PRKAR2A: variants seen among roughly 807,000 people sequenced by gnomAD.
The protein encoded by PRKAR2A is protein kinase cAMP-dependent type II regulatory subunit alpha.
In PRKAR2A, 29 loss-of-function variants were observed where a neutral mutation model predicts 51.9. The ratio of observed to expected loss-of-function variants is 0.56; its 90% CI spans 0.42 to 0.76. The LOEUF is 0.76. Among genes scored for constraint, PRKAR2A ranks in the 30% least tolerant of loss-of-function variants. The pLI is 0.00. For missense variants in PRKAR2A, 445 were observed against 512.1 expected (o/e 0.87, Z 1.26); for synonymous variants, 178 against 186.2 (o/e 0.96, Z 0.36).
chr3:48,754,954 A>G (rs1191520533), intron 9 of PRKAR2A, among the ~76,000 whole-genome samples: 2 of 149,372 alleles, frequency 1.3e-5, no homozygotes, highest in Non-Finnish European at 1.5e-5. Flanking sequence ...AAATCCAGCT[A>G]TCTTACAGAC....
chr3:48,803,289 C>T (rs979329644), intron 2 of PRKAR2A, among the ~76,000 whole-genome samples: 2 of 152,012 alleles, frequency 1.3e-5, no homozygotes, highest in East Asian at 1.9e-4. Context: ...GCACACTTGT[C>T]GTCCCAGCTA....
chr3:48,787,216 AC>A (rs1232455353), intron 4 of PRKAR2A, among the ~76,000 whole-genome samples: 10 of 151,602 alleles, frequency 6.6e-5, no homozygotes, highest in Admixed American at 3.3e-4. Flanking sequence ...ACAGAGTTTC[AC>A]TCTTATTGCC....
chr3:48,838,829 A>G (rs565989435), intron 1 of PRKAR2A, among the ~76,000 whole-genome samples: 1 of 150,850 alleles, frequency 6.6e-6, no homozygotes, highest in Non-Finnish European at 1.5e-5. Context: ...AAAAAAATAC[A>G]AAAAATTAGC....
chr3:48,758,395 A>G (rs187301376), intron 8 of PRKAR2A, among the ~76,000 whole-genome samples: 6 of 151,870 alleles, frequency 4.0e-5, no homozygotes, highest in Non-Finnish European at 2.9e-5. Flanking sequence ...CTTGGGCAAC[A>G]TGGCGGCGAA....
intron 6 of PRKAR2A, 84 bp from the exon 7 acceptor site, chr3:48,765,433 A>G (rs2107231646): frequency 1.1e-6 from 1 of 885,104 alleles, no homozygotes; most frequent in East Asian, 2.6e-5. Context: ...AGCAAATATT[A>G]GAGGAATATG....
intron 1 of PRKAR2A, among the ~76,000 whole-genome samples, chr3:48,842,321 A>G (rs2083394089): frequency 6.6e-6 from 1 of 152,180 alleles, no homozygotes; most frequent in Non-Finnish European, 1.5e-5. Flanking sequence ...GGGCTGAGAC[A>G]ATGGGGTTTT....
At chr3:48,772,229 T>G (rs1201650369) in intron 6 of PRKAR2A, among the ~76,000 whole-genome samples, 1 of 152,168 alleles carries the variant, frequency 6.6e-6, no homozygotes. Flanking sequence ...AACCAGTAGT[T>G]AGCACCAAGG....
At chr3:48,829,979 C>A (rs1403576171) in intron 1 of PRKAR2A, among the ~76,000 whole-genome samples, 1 of 148,090 alleles carries the variant, frequency 6.8e-6, no homozygotes, top group African/African-American at 2.5e-5. Context: ...AGGTGGCTCA[C>A]CTGAGGTCAG....
chr3:48,827,702 G>A (rs1339454399), intron 1 of PRKAR2A, among the ~76,000 whole-genome samples: 1 of 152,178 alleles, frequency 6.6e-6, no homozygotes, highest in Non-Finnish European at 1.5e-5. Flanking sequence ...TTCGGGTGTA[G>A]TCAGTGAGTG....
chr3:48,840,567 CTTTTTT>C (rs760883553), intron 1 of PRKAR2A, among the ~76,000 whole-genome samples: 38 of 69,460 alleles, frequency 5.5e-4, no homozygotes, highest in Non-Finnish European at 9.9e-4. Flanking sequence ...TTGTTTTCAC[CTTTTTT>C]TTTTTTTTTT....
rs2081972419 is a variant in PRKAR2A, at chr3:48,768,332, G to GATAA, written c.697-2984_697-2983insTTAT. On this transcript the variant is annotated intron_variant, in intron 6 of 10. Coordinates refer to ENST00000265563, the MANE Select transcript of PRKAR2A (RefSeq NM_004157.4). ...AGATAGATAGATAGATAGATAGATA[G>GATAA]ATAGATAGATATAGACAGACAGAGA... Among the ~76,000 whole-genome samples, 6 of 151,378 alleles carry GATAA rather than the reference G, an allele frequency of 4.0e-5. No individual in the cohort carries two copies. The Admixed American group carries it at 4.0e-4, about 10-fold the overall frequency.
intron 2 of PRKAR2A, among the ~76,000 whole-genome samples, chr3:48,799,139 T>C (rs1001719045): frequency 2.6e-5 from 4 of 152,216 alleles, no homozygotes; most frequent in African/African-American, 9.6e-5. Flanking sequence ...ATCTGGCTGC[T>C]TGCCACAGTA....
chr3:48,757,667 A>C (rs1477784430), intron 8 of PRKAR2A, among the ~76,000 whole-genome samples: 7 of 152,220 alleles, frequency 4.6e-5, no homozygotes, highest in Admixed American at 4.6e-4. Flanking sequence ...TCACACCTGT[A>C]ATCCCAGCAC....
intron 6 of PRKAR2A, among the ~76,000 whole-genome samples, 174 bp downstream of exon 6, chr3:48,772,781 C>A (rs2107256980): frequency 6.6e-6 from 1 of 152,282 alleles, no homozygotes; most frequent in Middle Eastern, 3.4e-3. Flanking sequence ...GCTGGGACTA[C>A]ACATGCCCAC....
intron 1 of PRKAR2A, among the ~76,000 whole-genome samples, chr3:48,840,265 C>T (rs1034047428): frequency 3.3e-5 from 5 of 151,932 alleles, no homozygotes; most frequent in African/African-American, 4.8e-5. Flanking sequence ...CGAGGCGGGA[C>T]GGGTGGATCA....
At chr3:48,837,953 C>T (rs765639534) in intron 1 of PRKAR2A, among the ~76,000 whole-genome samples, 7 of 151,822 alleles carry the variant, frequency 4.6e-5, no homozygotes, top group South Asian at 2.1e-4. Context: ...CTGAGGCAGG[C>T]GGATCACAAG....
intron 5 of PRKAR2A, among the ~76,000 whole-genome samples, chr3:48,780,602 CAAA>C (rs568780150): frequency 4.1e-5 from 2 of 49,346 alleles, no homozygotes; most frequent in Non-Finnish European, 8.5e-5. Flanking sequence ...GACTCCGTCT[CAAA>C]AAAAAAAAAA....
intron 1 of PRKAR2A, among the ~76,000 whole-genome samples, chr3:48,810,160 A>T (rs2082747514): frequency 6.6e-6 from 1 of 152,086 alleles, no homozygotes; most frequent in South Asian, 2.1e-4. Flanking sequence ...ACTGCCTTTA[A>T]CCCAGCAACA....
At chr3:48,787,617 G>A (rs1331601728) in intron 4 of PRKAR2A, among the ~76,000 whole-genome samples, 1 of 152,188 alleles carries the variant, frequency 6.6e-6, no homozygotes. Flanking sequence ...AGATAAAGAA[G>A]CAAGCCCCTT....
Sources: allele counts gnomAD v4.1 joint callset (sites outside exome capture counted in the v4.1 genomes callset), GRCh38; gene constraint gnomAD v4.1.1; transcripts MANE v1.5; gene names NCBI Gene and HGNC (gene_info 2026-07-23, HGNC 2026-07-21).